Variants in MTOR observed in about 807,000 individuals in gnomAD.
MTOR encodes mechanistic target of rapamycin kinase.
A neutral mutation model predicts 319.8 loss-of-function variants in MTOR; 70 were observed. The ratio of observed to expected loss-of-function variants is 0.22; its 90% CI spans 0.18 to 0.27. MTOR has a LOEUF of 0.27. Among genes scored for constraint, MTOR ranks in the 10% least tolerant of loss-of-function variants. The pLI is 1.00. For missense variants in MTOR, 1,890 were observed against 3,274.4 expected (o/e 0.58, Z 10.32); for synonymous variants, 1,183 against 1,211.4 (o/e 0.98, Z 0.49).
Position 11,247,899 on chromosome 1 carries a change from C to T in MTOR, c.1036G>A (p.Gly346Arg), listed in dbSNP as rs1649059913. The change falls in exon 7 of 58, where the codon GGG becomes AGG. Residue 346 changes from glycine to arginine, a missense_variant. Physicochemically the swap from Gly to Arg is moderately radical, Grantham distance 125 (BLOSUM62 -2). Coordinates refer to ENST00000361445, the MANE Select transcript of MTOR (RefSeq NM_004958.4). ...YSSHQGLMGF[G>R]TSPSPAKSTL... is the part of the protein sequence containing the mutation. ...GACTTAGCTGGACTGGGGGAGGTCC[C>T]AAATCCCATGAGGCCTTGGTGAGAG... The T allele has an allele frequency of 2.5e-6, 4 of 1,614,174 alleles. No homozygotes were observed. The highest frequency in any genetic ancestry group is 2.2e-5 in the South Asian group (2 of 91,078).
intron 28 of MTOR, among the ~76,000 whole-genome samples, chr1:11,176,353 C>A (rs10864490): frequency 0.31 from 47,524 of 151,992 alleles, 8,590 homozygotes; most frequent in African/African-American, 0.51. Flanking sequence ...GTGATGCAAG[C>A]CTCTTCCACA....
chr1:11,175,754 T>TTTTTTTC (rs1644964883), intron 28 of MTOR, among the ~76,000 whole-genome samples: 1 of 151,232 alleles, frequency 6.6e-6, no homozygotes, highest in African/African-American at 2.4e-5. Flanking sequence ...AGGTTTTTTT[T>TTTTTTTC]TTTTTTTTGA....
rs146335547 is a variant in MTOR, at chr1:11,151,374, C to A, written c.4470-1148G>T. 3.5e-3 allele frequency among the ~76,000 whole-genome samples: 533 copies of A among 152,142 alleles called. 6 individuals are homozygous for A. Among genetic ancestry groups the A allele is most frequent in the African/African-American group, 0.012 (504 of 41,502 alleles). ...AAAGAGGAACTGGTGGCCATGATGC[C>A]CTATGCATTTACTGAAGCTCCATTA... On this transcript the variant is annotated intron_variant, in intron 30 of 57. Transcript: ENST00000361445.
At chr1:11,150,935 C>T (rs1644120363) in intron 30 of MTOR, among the ~76,000 whole-genome samples, 1 of 152,180 alleles carries the variant, frequency 6.6e-6, no homozygotes, top group Non-Finnish European at 1.5e-5. Flanking sequence ...GGCTATTATG[C>T]AAATCCGAGT....
chr1:11,185,707 A>C (rs1645297752), intron 28 of MTOR, among the ~76,000 whole-genome samples: 1 of 152,194 alleles, frequency 6.6e-6, no homozygotes, highest in African/African-American at 2.4e-5. Context: ...GCAAATTAGA[A>C]AGCTCAGGGA....
In MTOR at chr1:11,128,775, C is replaced by CTT. The variant is rs1391346222; in HGVS notation, c.5811+79_5811+80insAA. 7.8e-7 allele frequency: 1 copy of CTT among 1,279,324 alleles called. No homozygotes were observed. Among genetic ancestry groups the CTT allele is most frequent in the Non-Finnish European group, 1.1e-6 (1 of 888,686 alleles). 79.2% of individuals were successfully genotyped at this position (1,279,324 alleles called of 1,614,324 possible). On this transcript the variant is annotated intron_variant, in intron 41 of 57. Coordinates refer to ENST00000361445, the MANE Select transcript of MTOR (RefSeq NM_004958.4). This position sits in a 1 kb window ranked among gnomAD's most constrained non-coding sequence, Gnocchi z 5.3. ...TATTAACACACACTGCCTTGTGACA[C>CTT]TGAACACAGCATGCTTGTAAGAGGA...
At chr1:11,247,572 T>A in intron 8 of MTOR, 53 bp downstream of exon 8, 1 of 1,521,232 alleles carries the variant, frequency 6.6e-7, no homozygotes, top group Non-Finnish European at 9.1e-7. Context: ...TGGAATCACC[T>A]GTTCCCTGTT....
intron 25 of MTOR, among the ~76,000 whole-genome samples, chr1:11,208,180 T>C (rs987731350): frequency 5.1e-4 from 77 of 152,366 alleles, no homozygotes; most frequent in African/African-American, 1.7e-3. Context: ...GAATGCCAAG[T>C]GACTGATAAC....
chr1:11,247,800 AG>A lies in MTOR; in HGVS notation c.1116+18del, dbSNP rs773074176. 12 of 1,611,880 alleles carry A rather than the reference AG, an allele frequency of 7.4e-6. No individual in the cohort carries two copies. Among genetic ancestry groups the A allele is most frequent in the Non-Finnish European group, 9.3e-6 (11 of 1,178,210 alleles). ...GTGTGGAGCTTAGGAAAAGAGGGAA[AG>A]GGCCTCTCACCACTTACCTGATCAA... On this transcript the variant is annotated intron_variant, in intron 7 of 57. Coordinates refer to ENST00000361445, the MANE Select transcript of MTOR (RefSeq NM_004958.4).
At chr1:11,231,145 C>G (rs1409998724) in intron 17 of MTOR, 91 bp from the exon 18 acceptor site, 1 of 1,599,282 alleles carries the variant, frequency 6.3e-7, no homozygotes, top group Non-Finnish European at 8.6e-7. Context: ...TTACATAATC[C>G]CCAGTTCATA....
intron 28 of MTOR, among the ~76,000 whole-genome samples, chr1:11,197,851 C>T (rs1645837835): frequency 6.6e-6 from 1 of 152,106 alleles, no homozygotes; most frequent in Non-Finnish European, 1.5e-5. Flanking sequence ...CCTGGAACAG[C>T]GTTTTAAACA....
intron 12 of MTOR, 70 bp from the exon 13 acceptor site, chr1:11,238,118 C>T (rs948441591): frequency 3.3e-5 from 48 of 1,448,106 alleles, no homozygotes; most frequent in Non-Finnish European, 4.3e-5. Context: ...CAGCTTCTAC[C>T]TCCACTGCCA....
intron 34 of MTOR, 139 bp downstream of exon 34, chr1:11,144,509 G>C: frequency 1.5e-6 from 1 of 648,418 alleles, no homozygotes; most frequent in Non-Finnish European, 2.7e-6. Flanking sequence ...ATTCTGCTTT[G>C]TATGCAAGCC....
At chr1:11,259,551 G>C (rs539442845) in intron 1 of MTOR, 128 bp from the exon 2 acceptor site, 1 of 1,003,894 alleles carries the variant, frequency 1.0e-6, no homozygotes, top group Non-Finnish European at 1.4e-6. Flanking sequence ...AAAAGGTTGA[G>C]AGATCTGATT....
intron 3 of MTOR, 21 bp from the exon 4 acceptor site, chr1:11,257,186 A>G (rs1445620257): frequency 6.3e-7 from 1 of 1,595,922 alleles, no homozygotes; most frequent in Admixed American, 1.7e-5. Context: ...GAGGAAGGCA[A>G]AAGGTGATGA....
chr1:11,234,420 T>G (rs1347143461), intron 13 of MTOR, among the ~76,000 whole-genome samples, 155 bp from the exon 14 acceptor site: 1 of 152,230 alleles, frequency 6.6e-6, no homozygotes, highest in Non-Finnish European at 1.5e-5. Flanking sequence ...AACAGACTTT[T>G]CTGCAACAGG....
At chr1:11,204,200 TA>T (rs1646067368) in intron 26 of MTOR, among the ~76,000 whole-genome samples, 1 of 152,238 alleles carries the variant, frequency 6.6e-6, no homozygotes, top group Non-Finnish European at 1.5e-5. Flanking sequence ...AAATAACTGT[TA>T]TTGTTTCAGA....
chr1:11,163,272 C>G (rs1644536382), intron 29 of MTOR, among the ~76,000 whole-genome samples: 1 of 152,030 alleles, frequency 6.6e-6, no homozygotes, highest in African/African-American at 2.4e-5. Context: ...ACAGGAGCAC[C>G]CAGATTCATA....
At chr1:11,260,072 T>A (rs924796861) in intron 1 of MTOR, among the ~76,000 whole-genome samples, 1 of 152,232 alleles carries the variant, frequency 6.6e-6, no homozygotes, top group African/African-American at 2.4e-5. Context: ...GCAGGGCATA[T>A]ACTAAGTTCT....
Sources: gnomAD v4.1 joint callset for allele counts (sites outside exome capture counted in the v4.1 genomes callset) on GRCh38, gnomAD v4.1.1 for gene constraint, Gnocchi (gnomAD v3.1) non-coding constraint, MANE v1.5 for transcripts, NCBI Gene and HGNC (gene_info 2026-07-23, HGNC 2026-07-21) for gene names.